ARMH3: variants seen among roughly 807,000 people sequenced by gnomAD.
ARMH3 encodes armadillo-like helical domain-containing protein 3.
ARMH3 carries 60 observed loss-of-function variants against 99.1 expected under a neutral mutation model. That is an observed-to-expected ratio of 0.61 (90% CI 0.49 to 0.75). ARMH3 has a LOEUF of 0.75. ARMH3 is among the 30% of genes least tolerant of loss of function. The pLI is 0.00. For synonymous variants in ARMH3, 285 were observed against 292.8 expected, an observed-to-expected ratio of 0.97 and a Z score of 0.27; for missense variants, 679 against 843.1, an observed-to-expected ratio of 0.81 and a Z score of 2.41.
chr10:102,009,157 A>G (rs549463525), intron 13 of ARMH3, among the ~76,000 whole-genome samples: 9 of 152,288 alleles, frequency 5.9e-5, no homozygotes, highest in African/African-American at 2.2e-4. Flanking sequence ...GGCCAAAAAA[A>G]CTAACTTTGC....
intron 23 of ARMH3, among the ~76,000 whole-genome samples, chr10:101,916,446 T>C (rs1158686835): frequency 6.6e-6 from 1 of 151,956 alleles, no homozygotes; most frequent in Non-Finnish European, 1.5e-5. Flanking sequence ...ATACAAATCC[T>C]CCAATTATAA....
At chr10:101,939,578 A>G (rs751277115) in intron 23 of ARMH3, among the ~76,000 whole-genome samples, 2 of 152,224 alleles carry the variant, frequency 1.3e-5, no homozygotes, top group Non-Finnish European at 1.5e-5. Flanking sequence ...CAGATGACCT[A>G]TACATAGAGA....
chr10:101,894,683 C>G (rs1303283423), intron 23 of ARMH3, among the ~76,000 whole-genome samples: 1 of 152,160 alleles, frequency 6.6e-6, no homozygotes, highest in African/African-American at 2.4e-5. Flanking sequence ...ACCATCTTTT[C>G]TGAACCTTTG....
chr10:101,957,578 C>G, intron 21 of ARMH3, 72 bp downstream of exon 21: 1 of 1,498,828 alleles, frequency 6.7e-7, no homozygotes, highest in Non-Finnish European at 9.0e-7. Flanking sequence ...ACCACCAGCT[C>G]CTGTTTCAAA....
At chr10:102,000,127 CA>C (rs1171829315) in intron 15 of ARMH3, among the ~76,000 whole-genome samples, 1 of 151,992 alleles carries the variant, frequency 6.6e-6, no homozygotes, top group Non-Finnish European at 1.5e-5. Flanking sequence ...GCCAAAATAA[CA>C]ACAACAACAC....
chr10:102,000,911 G>A (rs2066344755), intron 15 of ARMH3, among the ~76,000 whole-genome samples: 1 of 152,006 alleles, frequency 6.6e-6, no homozygotes, highest in African/African-American at 2.4e-5. Flanking sequence ...CCACCTCCCG[G>A]GTTCAAGCAA....
At chr10:101,906,449 G>T (rs1297373950) in intron 23 of ARMH3, among the ~76,000 whole-genome samples, 1 of 152,162 alleles carries the variant, frequency 6.6e-6, no homozygotes, top group African/African-American at 2.4e-5. Flanking sequence ...ATAAGAAAAA[G>T]TCTGAAGGCA....
chr10:101,971,303 G>A (rs1413445179), intron 20 of ARMH3, among the ~76,000 whole-genome samples: 1 of 152,026 alleles, frequency 6.6e-6, no homozygotes, highest in Non-Finnish European at 1.5e-5. Context: ...TACTGGCCGG[G>A]CGCAGTGGCT....
chr10:101,950,081 AAGAT>A (rs1564785683), intron 22 of ARMH3, among the ~76,000 whole-genome samples: 1 of 152,192 alleles, frequency 6.6e-6, no homozygotes, highest in Non-Finnish European at 1.5e-5. Context: ...CTTTCACCTT[AAGAT>A]TGGACACAAG....
At position 101,937,660 on chromosome 10, in the gene ARMH3, C is replaced by T. The variant is rs534038501; in HGVS notation, c.1781+2203G>A. On this transcript the variant is annotated intron_variant, in intron 23 of 25. Coordinates refer to ENST00000370033, the MANE Select transcript of ARMH3 (RefSeq NM_024541.3). ...GGGAAAAAGTATATTTTAAAAAGTA[C>T]ATAATACACCCTATAGAGTTTGAAG... is the stretch of plus-strand genomic sequence containing the variant. Among the ~76,000 whole-genome samples the T allele has an allele frequency of 1.8e-4, 27 of 151,972 alleles. No individual in the cohort carries two copies. The South Asian group carries it at 1.9e-3, about 11-fold the overall frequency.
intron 23 of ARMH3, among the ~76,000 whole-genome samples, chr10:101,899,567 A>AACAAAAAAAGCAATTTCCCTTG (rs1199160069): frequency 1.8e-4 from 28 of 152,178 alleles, no homozygotes; most frequent in Non-Finnish European, 4.0e-4. Flanking sequence ...AATCACCAAC[A>AACAAAAAAAGCAATTTCCCTTG]ACAAAAAAAG....
chr10:102,005,553 G>A (rs1451641645), intron 14 of ARMH3, among the ~76,000 whole-genome samples: 2 of 152,126 alleles, frequency 1.3e-5, no homozygotes, highest in Non-Finnish European at 2.9e-5. Context: ...ACTTAAAGGA[G>A]AGAAAGAATA....
chr10:101,872,014 A>G (rs2067142404), intron 24 of ARMH3, among the ~76,000 whole-genome samples: 1 of 152,088 alleles, frequency 6.6e-6, no homozygotes, highest in Admixed American at 6.6e-5. Flanking sequence ...AGAAAAAAAG[A>G]AAGTACAATG....
At chr10:101,931,325 C>A (rs908981398) in intron 23 of ARMH3, among the ~76,000 whole-genome samples, 1 of 152,156 alleles carries the variant, frequency 6.6e-6, no homozygotes, top group Non-Finnish European at 1.5e-5. Flanking sequence ...TAGTTCAAGA[C>A]CAGCCTGGCC....
chr10:102,000,513 C>A (rs2066329621), intron 15 of ARMH3, among the ~76,000 whole-genome samples: 1 of 151,600 alleles, frequency 6.6e-6, no homozygotes, highest in African/African-American at 2.4e-5. Flanking sequence ...AATCCCAGTA[C>A]TTTGGGAGGC....
rs2066483311 is a variant in ARMH3 at position 101,847,211 on chromosome 10, AT to A, written c.*316del. The A allele has an allele frequency of 3.7e-6, 1 of 273,208 alleles. No homozygotes were observed. The highest frequency in any genetic ancestry group is 7.1e-6 in the Non-Finnish European group (1 of 140,324). 16.9% of individuals were successfully genotyped at this position (273,208 alleles called of 1,614,324 possible). On this transcript the variant is annotated 3_prime_UTR_variant, in exon 26 of 26. Transcript: ENST00000370033. ...AGGCTTGCCTCACCAGCTCCCGAAAATTAGTCAGTAGCTACAGCTTGTAACC... is the reference window on the plus strand; with the variant it reads ...AGGCTTGCCTCACCAGCTCCCGAAAATAGTCAGTAGCTACAGCTTGTAACC...
intron 11 of ARMH3, among the ~76,000 whole-genome samples, chr10:102,010,456 A>G (rs959355246): frequency 1.3e-5 from 2 of 152,184 alleles, no homozygotes; most frequent in Non-Finnish European, 2.9e-5. Context: ...ACTTCAACCA[A>G]CATAAAGCTA....
intron 23 of ARMH3, among the ~76,000 whole-genome samples, chr10:101,924,865 G>A (rs1287573290): frequency 2.6e-5 from 4 of 151,928 alleles, no homozygotes; most frequent in Admixed American, 6.6e-5. Flanking sequence ...GTGGTGGCAC[G>A]CACATGTAGT....
intron 11 of ARMH3, among the ~76,000 whole-genome samples, chr10:102,011,223 C>G (rs1424350856): frequency 2.0e-5 from 3 of 152,006 alleles, no homozygotes; most frequent in Non-Finnish European, 4.4e-5. Context: ...AAGAGTGGCA[C>G]AGATCTACTG....
Sources: gnomAD v4.1 joint callset for allele counts (sites outside exome capture counted in the v4.1 genomes callset) on GRCh38, gnomAD v4.1.1 for gene constraint, MANE v1.5 for transcripts, NCBI Gene and HGNC (gene_info 2026-07-23, HGNC 2026-07-21) for gene names.